RPL6: variants seen among roughly 807,000 people sequenced by gnomAD.
The protein encoded by RPL6 is ribosomal protein L6, also known as large ribosomal subunit protein eL6.
In RPL6, 1 loss-of-function variant was observed where a neutral mutation model predicts 32.1. That is an observed-to-expected ratio of 0.03 (90% confidence interval 0.01 to 0.15). The LOEUF is 0.15. Among genes scored for constraint, RPL6 ranks in the 10% least tolerant of loss-of-function variants. The pLI, the probability that RPL6 is intolerant of heterozygous loss-of-function variation, is 1.00. For missense variants in RPL6, 275 were observed against 354.6 expected (o/e 0.78, Z 1.80); for synonymous variants, 126 against 131.6 (o/e 0.96, Z 0.29).
chr12:112,406,363 A>C, intron 4 of RPL6, 21 bp from the exon 5 acceptor site: 2 of 1,602,998 alleles, frequency 1.2e-6, no homozygotes, highest in Non-Finnish European at 1.7e-6. Context: ...AAAAGAAAAT[A>C]ATTAGTTTTC....
intron 1 of RPL6, chr12:112,408,887 C>T (rs141576133): frequency 5.7e-5 from 28 of 493,772 alleles, no homozygotes; most frequent in Middle Eastern, 5.3e-4. Context: ...GAATTTGAAA[C>T]TACCTCACAC....
chr12:112,417,804 C>G (rs1392331526), intron 1 of RPL6, among the ~76,000 whole-genome samples: 2 of 150,470 alleles, frequency 1.3e-5, no homozygotes, highest in South Asian at 2.1e-4. Flanking sequence ...ACTACAGGCG[C>G]GCGCCACCAC....
chr12:112,405,989 A>C lies in RPL6; in HGVS notation c.578T>G (p.Phe193Cys). The change falls in exon 6 of 7, where the codon TTT becomes TGT. Residue 193 changes from phenylalanine to cysteine, a missense_variant. By Grantham distance (205) the Phe-to-Cys change is radical. Coordinates refer to ENST00000202773, the MANE Select transcript of RPL6 (RefSeq NM_000970.6). ...GATTTTGGTTGAAGTGGCAATGACAAATTTCTGGTGTGTTCTTCGTAGAGG... is the reference window on the plus strand; with the variant it reads ...GATTTTGGTTGAAGTGGCAATGACACATTTCTGGTGTGTTCTTCGTAGAGG... ...RVPLRRTHQKFVIATSTKIDI... is the reference protein window; with the variant it reads ...RVPLRRTHQKCVIATSTKIDI... 6.2e-7 allele frequency: 1 copy of C among 1,614,126 alleles called. No individual in the cohort carries two copies. The highest frequency in any genetic ancestry group is 8.5e-7 in the Non-Finnish European group (1 of 1,179,998).
chr12:112,406,228 C>T (rs912858750), intron 5 of RPL6, 66 bp downstream of exon 5: 88 of 1,422,084 alleles, frequency 6.2e-5, no homozygotes, highest in Non-Finnish European at 8.5e-5. Flanking sequence ...AGCAAACAAA[C>T]GTGTATACTG....
At chr12:112,406,148 C>A (rs2037159893) in intron 5 of RPL6, 111 bp from the exon 6 acceptor site, 1 of 1,206,142 alleles carries the variant, frequency 8.3e-7, no homozygotes, top group Admixed American at 2.1e-5. Context: ...CTTGTCTAAC[C>A]CACTTGCACA....
chr12:112,415,280 T>TA (rs201479994), upstream of RPL6, among the ~76,000 whole-genome samples: 1,880 of 152,136 alleles, frequency 0.012, 19 homozygotes, highest in African/African-American at 0.024. Flanking sequence ...GGACCAGAGT[T>TA]AAAAAAACTC....
chr12:112,408,484 G>C lies in RPL6; in HGVS notation c.173C>G (p.Ser58Cys), dbSNP rs202034554. The C allele has an allele frequency of 2.5e-6, 4 of 1,614,016 alleles. No individual in the cohort carries two copies. The East Asian group carries it at 8.9e-5, about 36-fold the overall frequency. Residue 58 changes from serine to cysteine, a missense_variant, in exon 2 of 7, where the codon TCC (serine) becomes TGC (cysteine). By Grantham distance (112) the Ser-to-Cys change is moderately radical (BLOSUM62 -1). Coordinates refer to ENST00000202773, the MANE Select transcript of RPL6 (RefSeq NM_000970.6). Reference protein sequence around the residue: ...PVLVRGIGRYSRSAMYSRKAM... With the variant: ...PVLVRGIGRYCRSAMYSRKAM... The stretch of plus-strand genomic sequence containing the variant: ...CTTTCTGGAATACATGGCAGATCGG[G>C]AATACCTGCCAATTCCTCTGACAAG...
intron 1 of RPL6, among the ~76,000 whole-genome samples, chr12:112,416,473 AC>A (rs2037411850): frequency 6.6e-6 from 1 of 151,106 alleles, no homozygotes; most frequent in Non-Finnish European, 1.5e-5. Flanking sequence ...ATTGTGTTTG[AC>A]CATGTTGGCC....
chr12:112,413,863 TAAA>T (rs749770603), upstream of RPL6, among the ~76,000 whole-genome samples: 2 of 131,906 alleles, frequency 1.5e-5, no homozygotes. Flanking sequence ...CTGTCTGTAT[TAAA>T]AAAAAAAAAA....
At chr12:112,407,182 CA>C (rs2037197115) in intron 3 of RPL6, 1 of 284,638 alleles carries the variant, frequency 3.5e-6, no homozygotes, top group East Asian at 8.1e-5. Flanking sequence ...TCAGAGATTA[CA>C]CGTGTGACAT....
At chr12:112,409,554 C>T (rs1020347112) in intron 1 of RPL6, 33 bp downstream of exon 1, 3 of 398,504 alleles carry the variant, frequency 7.5e-6, no homozygotes, top group Non-Finnish European at 4.4e-6. Flanking sequence ...GAGTCCTGAA[C>T]TCAAGTCTTG....
upstream of RPL6, chr12:112,410,408 TAAAA>T (rs1046491183): frequency 3.7e-4 from 79 of 210,726 alleles, no homozygotes; most frequent in Admixed American, 2.7e-3. Flanking sequence ...GACTCTGTCT[TAAAA>T]AAAGTAAAAA....
At chr12:112,411,911 G>C (rs1236147104), upstream of RPL6, among the ~76,000 whole-genome samples, 1 of 147,916 alleles carries the variant, frequency 6.8e-6, no homozygotes, top group Non-Finnish European at 1.5e-5. Context: ...ATGGAGTCTT[G>C]CTCTGTCGCC....
At chr12:112,413,333 G>C (rs1566147175), upstream of RPL6, among the ~76,000 whole-genome samples, 1 of 152,024 alleles carries the variant, frequency 6.6e-6, no homozygotes. Context: ...TCAGGAGATC[G>C]AGACCATCCT....
chr12:112,418,350 T>C (rs1275683971), intron 1 of RPL6: 1 of 154,502 alleles, frequency 6.5e-6, no homozygotes, highest in Non-Finnish European at 1.4e-5. Context: ...CACGACTCAC[T>C]GCAGCCCCGA....
chr12:112,407,985 G>C (rs1458651417), intron 3 of RPL6: 1 of 450,112 alleles, frequency 2.2e-6, no homozygotes, highest in Non-Finnish European at 4.0e-6. Context: ...CTCCCAAAGT[G>C]CTGGGATTAC....
chr12:112,415,173 G>T (rs1325050330), upstream of RPL6, among the ~76,000 whole-genome samples: 1 of 152,208 alleles, frequency 6.6e-6, no homozygotes, highest in Non-Finnish European at 1.5e-5. Context: ...CGCTGGGAAA[G>T]AATATGGCAT....
chr12:112,417,468 G>A (rs573673306), intron 1 of RPL6, among the ~76,000 whole-genome samples: 2 of 150,282 alleles, frequency 1.3e-5, no homozygotes, highest in Admixed American at 6.7e-5. Context: ...ATAGTATTCC[G>A]TATTTTGACT....
upstream of RPL6, among the ~76,000 whole-genome samples, chr12:112,410,864 C>T (rs1048524966): frequency 6.6e-6 from 1 of 152,102 alleles, no homozygotes; most frequent in African/African-American, 2.4e-5. Flanking sequence ...CGTGAGCCAC[C>T]GCACCTGGCG....
Sources: allele counts gnomAD v4.1 joint callset (sites outside exome capture counted in the v4.1 genomes callset), GRCh38; gene constraint gnomAD v4.1.1; transcripts MANE v1.5; gene names NCBI Gene and HGNC (gene_info 2026-07-23, HGNC 2026-07-21).